Variants in TSSK4 observed in about 807,000 individuals in gnomAD.
TSSK4 encodes testis-specific serine/threonine-protein kinase 4.
In TSSK4, 22 loss-of-function variants were observed where a neutral mutation model predicts 28.5. The observed-to-expected ratio is 0.77, with a 90% CI of 0.55 to 1.10. The LOEUF (loss-of-function observed/expected upper bound fraction) is 1.10, where lower values mean the gene tolerates loss of function less well. Ranked by LOEUF, TSSK4 falls within the 50% of genes least tolerant of loss-of-function variation. The pLI is 0.00. For synonymous variants in TSSK4, 151 were observed against 158.3 expected (o/e 0.95, Z 0.35); for missense variants, 329 against 415.4 (o/e 0.79, Z 1.81).
intron 3 of TSSK4, 171 bp from the exon 4 acceptor site, chr14:24,207,792 TC>T: frequency 1.5e-6 from 2 of 1,299,296 alleles, no homozygotes; most frequent in Non-Finnish European, 2.1e-6. Context: ...ACTCTTCCCT[TC>T]CCCTCCAGGG....
At chr14:24,206,815 T>G in intron 2 of TSSK4, 92 bp downstream of exon 2, 1 of 1,363,096 alleles carries the variant, frequency 7.3e-7, no homozygotes. Context: ...TCTTTCGAAC[T>G]CCCTCCTCAA....
chr14:24,207,291 C>G lies in TSSK4; in HGVS notation c.616C>G (p.Gln206Glu), dbSNP rs1019179272. ...AGTGAACTGCTTTTCCCACCTCAGC[C>G]AGACTTACTGTGGCAGCTTTGCTTA... is the stretch of plus-strand genomic sequence containing the variant. ...RQVNCFSHLS[Q>E]TYCGSFAYAC... The change falls in exon 3 of 4, where the codon CAG (glutamine) becomes GAG (glutamate). Residue 206 changes from glutamine (Q) to glutamate (E), a missense_variant. Physicochemically the swap from Gln to Glu is conservative, Grantham distance 29. Around this residue, in one of 3 missense-constraint regions of TSSK4, gnomAD observed 139 missense variants for 178.1 expected, o/e 0.78. Transcript: ENST00000339917. The G allele has an allele frequency of 6.2e-7, 1 of 1,614,148 alleles. No homozygotes were observed.
chr14:24,206,471 C>T (rs756803813), intron 1 of TSSK4, 38 bp from the exon 2 acceptor site: 1 of 1,609,518 alleles, frequency 6.2e-7, no homozygotes, highest in Non-Finnish European at 8.5e-7. Context: ...TCAGGGTTCT[C>T]CCTTCCCAGG....
At position 24,207,991 on chromosome 14, in the gene TSSK4, G is replaced by C; in HGVS notation, c.862G>C (p.Ala288Pro). The C allele has an allele frequency of 6.2e-7, 1 of 1,614,192 alleles. No homozygotes were observed. ...KNLILQMLRQ[A>P]TKRATILDII... ...CCTGATCCTCCAGATGCTACGCCAA[G>C]CCACTAAGCGTGCCACCATTCTGGA... Residue 288 changes from alanine (A) to proline (P), a missense_variant, in exon 4 of 4, where the codon GCC becomes CCC. Physicochemically the swap from Ala to Pro is conservative, Grantham distance 27. This residue lies in a region of TSSK4 where 139 missense variants were observed against 178.1 expected (regional missense o/e 0.78). Transcript: ENST00000339917.
chr14:24,206,116 T>C lies in TSSK4; in HGVS notation c.193T>C (p.Tyr65His). Residue 65 changes from tyrosine to histidine, a missense_variant, in exon 1 of 4, where the codon TAT (tyrosine) becomes CAT (histidine). By Grantham distance (83) the Tyr-to-His change is moderately conservative. Around this residue, in one of 3 missense-constraint regions of TSSK4, gnomAD observed 175 missense variants for 196.0 expected, o/e 0.89. Coordinates refer to ENST00000339917, the MANE Select transcript of TSSK4 (RefSeq NM_001184739.2). Reference protein sequence around the residue: ...IISKKKASDDYLNKFLPREIQ... With the variant: ...IISKKKASDDHLNKFLPREIQ... ...CTCAAAGAAGAAGGCCTCTGATGAC[T>C]ATCTTAACAAGTTCCTGCCCCGTGA... 6.2e-7 allele frequency: 1 copy of C among 1,614,154 alleles called. No homozygotes were observed. Among genetic ancestry groups the C allele is most frequent in the Non-Finnish European group, 8.5e-7 (1 of 1,180,040 alleles).
rs150827323 is a variant in TSSK4, at chr14:24,207,365, T to G, written c.690T>G (p.Ser230=). The change falls in exon 3 of 4, where the codon TCT becomes TCG. Residue 230 remains serine (S), a synonymous_variant. Coordinates refer to ENST00000339917, the MANE Select transcript of TSSK4 (RefSeq NM_001184739.2). The stretch of plus-strand genomic sequence containing the variant: ...GCTTGCCCTACAACCCTTTCCTGTC[T>G]GACACCTGGAGCATGGGCGTCATCC... ...LRGLPYNPFL[S]DTWSMGVILY... 1 of 1,614,162 alleles carries G rather than the reference T, an allele frequency of 6.2e-7. No individual in the cohort carries two copies. The highest frequency in any genetic ancestry group is 8.5e-7 in the Non-Finnish European group (1 of 1,180,042).
Position 24,207,461 on chromosome 14 carries a change from G to A in TSSK4, c.786G>A (p.Gln262=). The change falls in exon 3 of 4, where the codon CAG becomes CAA. Residue 262 remains glutamine (Q), a synonymous_variant. Transcript: ENST00000339917. ...TCAAAAAGCTGCTAAGAGAGACTCA[G>A]AAGGAGGTCACTTTCCCAGCTAACC... ...TNLKKLLRET[Q]KEVTFPANHT... is the part of the protein sequence containing the mutation. 6.2e-7 allele frequency: 1 copy of A among 1,613,958 alleles called. No homozygotes were observed. Among genetic ancestry groups the A allele is most frequent in the South Asian group, 1.1e-5 (1 of 91,052 alleles).
At chr14:24,206,470 T>G in intron 1 of TSSK4, 39 bp from the exon 2 acceptor site, 1 of 1,610,008 alleles carries the variant, frequency 6.2e-7, no homozygotes. Flanking sequence ...GTCAGGGTTC[T>G]CCCTTCCCAG....
intron 3 of TSSK4, among the ~76,000 whole-genome samples, 161 bp downstream of exon 3, chr14:24,207,670 A>G (rs2039545240): frequency 6.6e-6 from 1 of 152,156 alleles, no homozygotes; most frequent in Non-Finnish European, 1.5e-5. Context: ...AATAAACAGT[A>G]TGGAAGGCAT....
rs2039506813 is a variant in TSSK4, at chr14:24,205,835, T to C, written c.-89T>C. 42 of 990,496 alleles carry C rather than the reference T, an allele frequency of 4.2e-5. No individual in the cohort carries two copies. The South Asian group carries it at 5.6e-4, about 13-fold the overall frequency. 61.4% of individuals were successfully genotyped at this position (990,496 alleles called of 1,614,324 possible). The stretch of plus-strand genomic sequence containing the variant: ...CATTTGGGGACCTACTTCACTTTGA[T>C]ACCCTAGCCTTCAGCAGCTCAAGGT... On this transcript the variant is annotated 5_prime_UTR_variant, in exon 1 of 4. Coordinates refer to ENST00000339917, the MANE Select transcript of TSSK4 (RefSeq NM_001184739.2).
In TSSK4 at chr14:24,206,544, C is replaced by G. The variant is rs1272980656; in HGVS notation, c.261C>G (p.Asn87Lys). Residue 87 changes from asparagine to lysine, a missense_variant, in exon 2 of 4, where the codon AAC becomes AAG. Physicochemically the swap from Asn to Lys is moderately conservative, Grantham distance 94. Around this residue, in one of 3 missense-constraint regions of TSSK4, gnomAD observed 175 missense variants for 196.0 expected, o/e 0.89. Coordinates refer to ENST00000339917, the MANE Select transcript of TSSK4 (RefSeq NM_001184739.2). Reference protein sequence around the residue: ...MKVLRHKYLINFYRAIESTSR... With the variant: ...MKVLRHKYLIKFYRAIESTSR... Reference sequence around the variant, plus strand: ...TCTTGCGGCACAAGTACCTCATCAACTTCTATCGGGCCATTGAGAGCACAT... The same window carrying G: ...TCTTGCGGCACAAGTACCTCATCAAGTTCTATCGGGCCATTGAGAGCACAT... 1 of 1,614,110 alleles carries G rather than the reference C, an allele frequency of 6.2e-7. No individual in the cohort carries two copies. The highest frequency in any genetic ancestry group is 8.5e-7 in the Non-Finnish European group (1 of 1,180,048).
rs1209620816 is a variant in TSSK4, at chr14:24,207,170, G to A, written c.495G>A (p.Leu165=). ...GGGACTTAAAGTTGGAGAACCTGTT[G>A]CTGGACAAGTGGGAGAATGTGAAGA... ...AGRDLKLENL[L]LDKWENVKIS... is the part of the protein sequence containing the mutation. Residue 165 remains leucine, a synonymous_variant, in exon 3 of 4, where the codon TTG becomes TTA. Transcript: ENST00000339917. 13 of 1,613,266 alleles carry A rather than the reference G, an allele frequency of 8.1e-6. No individual in the cohort carries two copies. The East Asian group carries it at 1.1e-4, about 14-fold the overall frequency.
rs1368457289 is a variant in TSSK4 at position 24,208,164 on chromosome 14, G to A, written c.*18G>A. 2 of 1,579,880 alleles carry A rather than the reference G, an allele frequency of 1.3e-6. No homozygotes were observed. Among genetic ancestry groups the A allele is most frequent in the Non-Finnish European group, 1.7e-6 (2 of 1,158,894 alleles). Reference sequence around the variant, plus strand: ...CGACCTGAAAATGGCTGAGGGAGGGGGCTAAGAGAGGAGCAAAGCAGGAGG... The same window carrying A: ...CGACCTGAAAATGGCTGAGGGAGGGAGCTAAGAGAGGAGCAAAGCAGGAGG... On this transcript the variant is annotated 3_prime_UTR_variant, in exon 4 of 4. Transcript: ENST00000339917.
intron 2 of TSSK4, 170 bp downstream of exon 2, chr14:24,206,893 T>G (rs966132595): frequency 1.0e-6 from 1 of 983,984 alleles, no homozygotes; most frequent in Non-Finnish European, 1.6e-6. Flanking sequence ...ACTCACTGTA[T>G]GCAAAGCATT....
chr14:24,206,744 AC>A, intron 2 of TSSK4, 21 bp downstream of exon 2: 1 of 1,611,294 alleles, frequency 6.2e-7, no homozygotes, highest in Non-Finnish European at 8.5e-7. Flanking sequence ...TGCCACCCAG[AC>A]TGGGGCCTTT....
rs761643462 is a variant in TSSK4 at position 24,205,982 on chromosome 14, TG to T, written c.61del (p.Asp21MetfsTer56). 2 of 1,614,062 alleles carry T rather than the reference TG, an allele frequency of 1.2e-6. 1 individual carries two copies. The highest frequency in any genetic ancestry group is 2.2e-5 in the South Asian group (2 of 91,084). On this transcript the variant is annotated frameshift_variant, in exon 1 of 4. Coordinates refer to ENST00000339917, the MANE Select transcript of TSSK4 (RefSeq NM_001184739.2). LOFTEE classifies it high-confidence loss of function. ...APTTTAYHSL[M>X]DEYGYEVGKA... ...ACCACCACAGCCTACCATTCCCTCATGGATGAATATGGTTATGAGGTGGGCA... is the reference window on the plus strand; with the variant it reads ...ACCACCACAGCCTACCATTCCCTCATGATGAATATGGTTATGAGGTGGGCA...
Position 24,205,881 on chromosome 14 carries a change from C to A in TSSK4, c.-43C>A. 1.3e-6 allele frequency: 2 copies of A among 1,539,902 alleles called. No homozygotes were observed. The highest frequency in any genetic ancestry group is 1.8e-6 in the Non-Finnish European group (2 of 1,114,326). On this transcript the variant is annotated 5_prime_UTR_variant, in exon 1 of 4. Transcript: ENST00000339917. ...AAGGTGTTGGCCTTTGGATAGGAGGCTTCCAAGTAGTAAAGCTCCCTGCTC... is the reference window on the plus strand; with the variant it reads ...AAGGTGTTGGCCTTTGGATAGGAGGATTCCAAGTAGTAAAGCTCCCTGCTC...
intron 3 of TSSK4, among the ~76,000 whole-genome samples, 176 bp downstream of exon 3, chr14:24,207,685 G>T: frequency 6.6e-6 from 1 of 152,126 alleles, no homozygotes; most frequent in African/African-American, 2.4e-5. Flanking sequence ...AGGCATAAAG[G>T]GCCAACCACT....
chr14:24,205,804 G>A lies in TSSK4; in HGVS notation c.-120G>A, dbSNP rs993021230. The A allele has an allele frequency of 2.8e-6, 2 of 708,864 alleles. No homozygotes were observed. The highest frequency in any genetic ancestry group is 4.6e-5 in the Admixed American group (2 of 43,774). 43.9% of individuals were successfully genotyped at this position (708,864 alleles called of 1,614,324 possible). ...CATCCCAGACTCGTGTGACTATATA[G>A]GCAAGCATTTGGGGACCTACTTCAC... On this transcript the variant is annotated 5_prime_UTR_variant, in exon 1 of 4. Transcript: ENST00000339917.
Sources: allele counts gnomAD v4.1 joint callset (sites outside exome capture counted in the v4.1 genomes callset), GRCh38; gene constraint gnomAD v4.1.1; regional missense constraint gnomAD v4.1.1; transcripts MANE v1.5; gene names NCBI Gene and HGNC (gene_info 2026-07-23, HGNC 2026-07-21).